Variants in PLCG2 observed in about 807,000 individuals in gnomAD.
PLCG2 encodes phospholipase C gamma 2.
PLCG2 carries 69 observed loss-of-function variants against 175.6 expected under a neutral mutation model. The observed-to-expected ratio is 0.39, with a 90% CI of 0.32 to 0.48. PLCG2 has a LOEUF of 0.48. Among genes scored for constraint, PLCG2 ranks in the 20% least tolerant of loss-of-function variants. The pLI is 0.91. For missense variants in PLCG2, 1,798 were observed against 1,650.9 expected (o/e 1.09, Z -1.54); for synonymous variants, 827 against 624.0 (o/e 1.33, Z -4.85).
intron 19 of PLCG2, among the ~76,000 whole-genome samples, chr16:81,917,972 C>T (rs916459167): frequency 6.6e-6 from 1 of 152,326 alleles, no homozygotes; most frequent in South Asian, 2.1e-4. Flanking sequence ...ATCTGCCTGC[C>T]TTGGCCTCCC....
chr16:81,924,391 G>A (rs1317465378), intron 22 of PLCG2, among the ~76,000 whole-genome samples: 1 of 152,260 alleles, frequency 6.6e-6, no homozygotes, highest in Non-Finnish European at 1.5e-5. Flanking sequence ...GTCAAGCACT[G>A]TTTTAAGCAC....
At chr16:81,895,102 G>A (rs765671253) in intron 12 of PLCG2, among the ~76,000 whole-genome samples, 1 of 152,176 alleles carries the variant, frequency 6.6e-6, no homozygotes, top group Admixed American at 6.5e-5. Context: ...AAAAGATTGG[G>A]GATGTTCATC....
chr16:81,944,919 C>T (rs1008438597), intron 30 of PLCG2, among the ~76,000 whole-genome samples: 2 of 152,056 alleles, frequency 1.3e-5, no homozygotes, highest in Non-Finnish European at 2.9e-5. Flanking sequence ...ACAAGTAATC[C>T]TTGTAATTTT....
At chr16:81,832,106 G>T (rs915709535) in intron 2 of PLCG2, among the ~76,000 whole-genome samples, 14 of 62,106 alleles carry the variant, frequency 2.3e-4, no homozygotes, top group Admixed American at 1.5e-3. Context: ...GATAAATGGA[G>T]GGGGGGAATA....
At chr16:81,760,699 G>A (rs915036233) in intron 2 of PLCG2, among the ~76,000 whole-genome samples, 1 of 150,500 alleles carries the variant, frequency 6.6e-6, no homozygotes, top group Non-Finnish European at 1.5e-5. Flanking sequence ...TCACTTGAGG[G>A]CAGGAGTTCA....
At chr16:81,834,038 G>A (rs1422510254) in intron 2 of PLCG2, among the ~76,000 whole-genome samples, 1 of 152,208 alleles carries the variant, frequency 6.6e-6, no homozygotes, top group Non-Finnish European at 1.5e-5. Context: ...AATGGGGACA[G>A]GAGGTAACTG....
chr16:81,857,870 A>G (rs12446621), intron 3 of PLCG2: 55,323 of 179,034 alleles, frequency 0.31, 9,324 homozygotes, highest in Non-Finnish European at 0.37. Flanking sequence ...AAATGGGAAT[A>G]TAATAGTACT....
At chr16:81,882,183 G>A (rs9674313) in intron 8 of PLCG2, among the ~76,000 whole-genome samples, 101,874 of 152,088 alleles carry the variant, frequency 0.67, 34,222 homozygotes, top group Admixed American at 0.73. Context: ...GGGAAGCCCC[G>A]TGTAGCAGAA....
At chr16:81,792,425 G>C (rs1911273978) in intron 2 of PLCG2, among the ~76,000 whole-genome samples, 1 of 137,126 alleles carries the variant, frequency 7.3e-6, no homozygotes, top group African/African-American at 2.8e-5. Flanking sequence ...AGGCTGCAGT[G>C]AGCCGAGATC....
At chr16:81,945,467 G>C (rs557186864) in intron 30 of PLCG2, among the ~76,000 whole-genome samples, 1 of 152,248 alleles carries the variant, frequency 6.6e-6, no homozygotes, top group Non-Finnish European at 1.5e-5. Flanking sequence ...TTAGGACAGA[G>C]AGGAGGATTG....
At chr16:81,878,729 G>C (rs527253474) in intron 7 of PLCG2, among the ~76,000 whole-genome samples, 2 of 152,160 alleles carry the variant, frequency 1.3e-5, no homozygotes, top group Non-Finnish European at 2.9e-5. Context: ...TGTCCACTCA[G>C]CAGCACGTGT....
intron 2 of PLCG2, among the ~76,000 whole-genome samples, chr16:81,788,324 A>C (rs920906596): frequency 1.3e-5 from 2 of 152,194 alleles, no homozygotes; most frequent in African/African-American, 4.8e-5. Context: ...TCTGTTGCCC[A>C]GGCTGGAGTG....
intron 5 of PLCG2, among the ~76,000 whole-genome samples, chr16:81,860,839 C>T (rs1013265042): frequency 1.3e-5 from 2 of 151,974 alleles, no homozygotes; most frequent in African/African-American, 4.8e-5. Context: ...GGCATGGTAG[C>T]ACGCTCCTGT....
rs895871914 is a variant in PLCG2, at chr16:81,939,771, C to G, written c.3314-121C>G. The G allele has an allele frequency of 9.1e-6, 6 of 661,306 alleles. No individual in the cohort carries two copies. The South Asian group carries it at 1.2e-4, about 13-fold the overall frequency. 41.0% of individuals were successfully genotyped at this position (661,306 alleles called of 1,614,324 possible). ...TTATTCAGATTTTCTTAGATCTTGG[C>G]ATAGATGCATATTTATTTACATGGT... On this transcript the variant is annotated intron_variant, in intron 29 of 32. Transcript: ENST00000564138.
At chr16:81,878,648 C>A (rs1475077746) in intron 7 of PLCG2, among the ~76,000 whole-genome samples, 2 of 152,146 alleles carry the variant, frequency 1.3e-5, no homozygotes, top group Non-Finnish European at 2.9e-5. Context: ...TCCTAGAGCA[C>A]TTCATCTTGG....
chr16:81,901,698 G>A (rs1182930936), intron 14 of PLCG2, among the ~76,000 whole-genome samples: 2 of 152,234 alleles, frequency 1.3e-5, no homozygotes, highest in African/African-American at 4.8e-5. Context: ...CAGAAGTCAT[G>A]AGTGTTTTCA....
In PLCG2 at chr16:81,957,589, G is replaced by A. The variant is rs111637055; in HGVS notation, c.3756-367G>A. The stretch of plus-strand genomic sequence containing the variant: ...GTGCTACAGGCATGTAATGGGGTGC[G>A]GGGCGGCCGGGGTTGCCAAGTGTTT... On this transcript the variant is annotated intron_variant, in intron 32 of 32. Transcript: ENST00000564138. Among the ~76,000 whole-genome samples, 12 of 151,392 alleles carry A rather than the reference G, an allele frequency of 7.9e-5. No individual in the cohort carries two copies. The East Asian group carries it at 1.2e-3, about 15-fold the overall frequency.
At chr16:81,757,200 C>T (rs908898489) in intron 2 of PLCG2, among the ~76,000 whole-genome samples, 7 of 152,124 alleles carry the variant, frequency 4.6e-5, no homozygotes, top group Admixed American at 2.0e-4. Context: ...CCCATCCGAT[C>T]ATTCAATCAT....
intron 2 of PLCG2, among the ~76,000 whole-genome samples, chr16:81,850,095 G>T (rs1178079936): frequency 6.6e-6 from 1 of 152,192 alleles, no homozygotes; most frequent in Non-Finnish European, 1.5e-5. Context: ...TAGGATTGAA[G>T]ATGTAATGAC....
Sources: gnomAD v4.1 joint callset for allele counts (sites outside exome capture counted in the v4.1 genomes callset) on GRCh38, gnomAD v4.1.1 for gene constraint, MANE v1.5 for transcripts, NCBI Gene and HGNC (gene_info 2026-07-23, HGNC 2026-07-21) for gene names.